AFF3: variants seen among roughly 807,000 people sequenced by gnomAD.
AFF3 encodes AF4/FMR2 family member 3.
A neutral mutation model predicts 129.7 loss-of-function variants in AFF3; 32 were observed. The ratio of observed to expected loss-of-function variants is 0.25; its 90% CI spans 0.19 to 0.33. AFF3 has a LOEUF of 0.33. Ranked by LOEUF, AFF3 falls within the 10% of genes least tolerant of loss-of-function variation. The probability of loss-of-function intolerance (pLI) is 1.00; values close to 1 mark genes in which losing one functional copy is unlikely to be tolerated. For synonymous variants in AFF3, 644 were observed against 635.4 expected, an observed-to-expected ratio of 1.01 and a Z score of -0.20; for missense variants, 1,373 against 1,592.0, an observed-to-expected ratio of 0.86 and a Z score of 2.34.
chr2:99,937,202 C>T (rs571572956), intron 7 of AFF3, among the ~76,000 whole-genome samples: 3 of 152,060 alleles, frequency 2.0e-5, no homozygotes, highest in Non-Finnish European at 4.4e-5. Context: ...TTGAGCGCCA[C>T]GTCAGTGCTC....
intron 20 of AFF3, among the ~76,000 whole-genome samples, chr2:99,560,663 T>C (rs1213753616): frequency 1.3e-5 from 2 of 152,208 alleles, no homozygotes; most frequent in African/African-American, 2.4e-5. Flanking sequence ...TTCTGCTCTT[T>C]AACAGTACAA....
intron 4 of AFF3, among the ~76,000 whole-genome samples, chr2:100,086,633 A>G (rs1384086526): frequency 3.3e-5 from 5 of 152,218 alleles, no homozygotes; most frequent in Non-Finnish European, 7.3e-5. Flanking sequence ...TCCAGGTAAC[A>G]ATTCAAGTCC....
intron 13 of AFF3, among the ~76,000 whole-genome samples, chr2:99,631,856 G>A (rs1301214273): frequency 6.6e-6 from 1 of 151,976 alleles, no homozygotes; most frequent in Non-Finnish European, 1.5e-5. Flanking sequence ...CAATTCTTTT[G>A]GGTAATAACC....
chr2:99,827,615 AAG>A (rs1164485850), intron 8 of AFF3, among the ~76,000 whole-genome samples: 4 of 151,850 alleles, frequency 2.6e-5, no homozygotes, highest in African/African-American at 9.7e-5. Context: ...GGAAGGAAGA[AAG>A]AGCTGCAAGC....
At chr2:99,835,404 T>G (rs1191345837) in intron 8 of AFF3, among the ~76,000 whole-genome samples, 1 of 152,114 alleles carries the variant, frequency 6.6e-6, no homozygotes, top group Non-Finnish European at 1.5e-5. Context: ...ATAAATACTA[T>G]GGGCGGTAAC....
At chr2:99,905,586 C>G (rs1177772805) in intron 7 of AFF3, among the ~76,000 whole-genome samples, 1 of 152,194 alleles carries the variant, frequency 6.6e-6, no homozygotes, top group Non-Finnish European at 1.5e-5. Context: ...TTATTCCTAG[C>G]TTCCTGCATT....
intron 4 of AFF3, among the ~76,000 whole-genome samples, 184 bp downstream of exon 4, chr2:100,104,218 G>A (rs1273857810): frequency 1.3e-5 from 2 of 151,764 alleles, no homozygotes; most frequent in Non-Finnish European, 2.9e-5. Flanking sequence ...GAAACAGACG[G>A]GCAGGCGGCC....
intron 7 of AFF3, among the ~76,000 whole-genome samples, chr2:99,892,039 G>C (rs775013471): frequency 2.0e-5 from 3 of 152,058 alleles, no homozygotes; most frequent in South Asian, 4.1e-4. Context: ...AGCCAGGATG[G>C]TCTCAATCTC....
intron 11 of AFF3, among the ~76,000 whole-genome samples, chr2:99,724,267 C>CTTTTTTTTTT (rs1553440069): frequency 6.3e-4 from 17 of 27,004 alleles, no homozygotes; most frequent in East Asian, 1.8e-3. Context: ...GTGGAATGAC[C>CTTTTTTTTTT]TTTCTTTTTT....
At chr2:99,583,434 G>C (rs1575424203) in intron 16 of AFF3, among the ~76,000 whole-genome samples, 1 of 152,170 alleles carries the variant, frequency 6.6e-6, no homozygotes, top group Non-Finnish European at 1.5e-5. Flanking sequence ...CCAGGCTGGA[G>C]AGCAGTGGCA....
chr2:100,092,509 T>C (rs1337781129), intron 4 of AFF3, among the ~76,000 whole-genome samples: 2 of 152,180 alleles, frequency 1.3e-5, no homozygotes, highest in Admixed American at 6.5e-5. Context: ...CTTAAAGCCC[T>C]CATGCAGGCC....
chr2:99,831,377 AT>A (rs2105758286), intron 8 of AFF3, among the ~76,000 whole-genome samples: 1 of 152,374 alleles, frequency 6.6e-6, no homozygotes, highest in Non-Finnish European at 1.5e-5. Context: ...GAAAGAAAAA[AT>A]AAAATTGCAT....
intron 11 of AFF3, among the ~76,000 whole-genome samples, chr2:99,719,228 T>C (rs1678668702): frequency 6.6e-6 from 1 of 152,046 alleles, no homozygotes; most frequent in Non-Finnish European, 1.5e-5. Context: ...CCTTATTCTA[T>C]TCATATAGTG....
At chr2:100,071,832 CACTTCAGGGTTTCAAGGGATATCT>C (rs1308469704) in intron 4 of AFF3, among the ~76,000 whole-genome samples, 1 of 152,124 alleles carries the variant, frequency 6.6e-6, no homozygotes, top group East Asian at 1.9e-4. Context: ...CAAAGACACC[CACTTCAGGGTTTCAAGGGATATCT>C]ATTCAAGGCA....
At chr2:99,949,475 T>G (rs1249730949) in intron 7 of AFF3, among the ~76,000 whole-genome samples, 2 of 151,936 alleles carry the variant, frequency 1.3e-5, no homozygotes, top group African/African-American at 4.8e-5. Flanking sequence ...TCTATTATTA[T>G]TACATTATAA....
At chr2:100,060,877 G>A (rs1006229454) in intron 4 of AFF3, among the ~76,000 whole-genome samples, 3 of 152,092 alleles carry the variant, frequency 2.0e-5, no homozygotes, top group African/African-American at 7.2e-5. Context: ...ATCCCACTAC[G>A]TTTAGAGCTC....
intron 8 of AFF3, among the ~76,000 whole-genome samples, chr2:99,819,018 T>C (rs1192024514): frequency 6.6e-6 from 1 of 152,224 alleles, no homozygotes; most frequent in African/African-American, 2.4e-5. Context: ...CAAATGAATG[T>C]TCCACCAGGG....
intron 4 of AFF3, among the ~76,000 whole-genome samples, chr2:100,033,574 TG>T (rs571801029): frequency 8.7e-4 from 132 of 152,310 alleles, no homozygotes; most frequent in African/African-American, 3.1e-3. Context: ...AGTACCTAAT[TG>T]TAACTTAACA....
At chr2:99,947,578 GAAAA>G (rs1344838046) in intron 7 of AFF3, among the ~76,000 whole-genome samples, 1 of 133,802 alleles carries the variant, frequency 7.5e-6, no homozygotes, top group Non-Finnish European at 1.6e-5. Flanking sequence ...AGAAAGAAAA[GAAAA>G]GAAAGAAAGA....
Sources: gnomAD v4.1 joint callset for allele counts (sites outside exome capture counted in the v4.1 genomes callset) on GRCh38, gnomAD v4.1.1 for gene constraint, MANE v1.5 for transcripts, NCBI Gene and HGNC (gene_info 2026-07-23, HGNC 2026-07-21) for gene names.